REC114: variants seen among roughly 807,000 people sequenced by gnomAD.
The protein encoded by REC114 is meiotic recombination protein REC114.
Under a neutral mutation model 31.3 loss-of-function variants are expected in REC114, and 27 were observed. The ratio of observed to expected loss-of-function variants is 0.86; its 90% CI spans 0.64 to 1.19. The LOEUF (loss-of-function observed/expected upper bound fraction) is 1.19, where lower values mean the gene tolerates loss of function less well. REC114 is among the 50% of genes most tolerant of loss of function. The probability of loss-of-function intolerance (pLI) is 0.00; values close to 1 mark genes in which losing one functional copy is unlikely to be tolerated. For synonymous variants in REC114, 134 were observed against 127.7 expected, an observed-to-expected ratio of 1.05 and a Z score of -0.33; for missense variants, 344 against 326.9, an observed-to-expected ratio of 1.05 and a Z score of -0.40.
chr15:73,552,835 CAG>C (rs1464780661), intron 4 of REC114, among the ~76,000 whole-genome samples: 19 of 152,042 alleles, frequency 1.2e-4, no homozygotes, highest in Admixed American at 1.0e-3. Flanking sequence ...TTTTTTGAGA[CAG>C]AGTTTCGCTC....
intron 2 of REC114, among the ~76,000 whole-genome samples, chr15:73,531,490 C>G (rs1384831972): frequency 3.3e-5 from 5 of 152,274 alleles, no homozygotes; most frequent in African/African-American, 1.2e-4. Context: ...GCTTGAGATT[C>G]TCTTTATATG....
chr15:73,526,126 T>C (rs1177836710), intron 2 of REC114, among the ~76,000 whole-genome samples: 1 of 152,198 alleles, frequency 6.6e-6, no homozygotes. Flanking sequence ...CACATGTTTG[T>C]CTGAGATTGA....
At chr15:73,492,688 A>G (rs1893462644) in intron 2 of REC114, among the ~76,000 whole-genome samples, 2 of 152,218 alleles carry the variant, frequency 1.3e-5, no homozygotes, top group Admixed American at 6.5e-5. Flanking sequence ...TTGAGGGACA[A>G]AGTCATAGAG....
chr15:73,545,207 C>A (rs1384808754), intron 3 of REC114, among the ~76,000 whole-genome samples: 2 of 152,170 alleles, frequency 1.3e-5, no homozygotes, highest in Admixed American at 6.5e-5. Flanking sequence ...GCAGGTGCAA[C>A]TTTACATGTA....
At chr15:73,444,789 C>T (rs1053791475) in intron 1 of REC114, among the ~76,000 whole-genome samples, 10 of 152,192 alleles carry the variant, frequency 6.6e-5, no homozygotes, top group African/African-American at 2.4e-5. Context: ...GAATCACTAT[C>T]TACAGAAGCT....
intron 3 of REC114, among the ~76,000 whole-genome samples, chr15:73,549,300 G>A (rs184315354): frequency 4.7e-4 from 71 of 152,232 alleles, no homozygotes; most frequent in Non-Finnish European, 2.4e-4. Context: ...CTTATTTGTG[G>A]GATCTAAAAA....
intron 2 of REC114, among the ~76,000 whole-genome samples, chr15:73,487,654 C>G (rs1893388723): frequency 1.3e-5 from 2 of 152,242 alleles, no homozygotes; most frequent in Admixed American, 1.3e-4. Flanking sequence ...ACGGCCCACA[C>G]AGCAGTTCTC....
At chr15:73,517,973 G>A (rs1446297414) in intron 2 of REC114, among the ~76,000 whole-genome samples, 1 of 152,196 alleles carries the variant, frequency 6.6e-6, no homozygotes, top group Non-Finnish European at 1.5e-5. Flanking sequence ...GATCATAAAA[G>A]CCAAGACAAA....
chr15:73,539,022 A>C (rs998985996), intron 2 of REC114, among the ~76,000 whole-genome samples: 2 of 151,970 alleles, frequency 1.3e-5, no homozygotes, highest in Non-Finnish European at 2.9e-5. Context: ...TACATTTGTA[A>C]TTTTGATATT....
intron 2 of REC114, among the ~76,000 whole-genome samples, chr15:73,489,166 C>T (rs1304238205): frequency 1.3e-5 from 2 of 149,962 alleles, no homozygotes; most frequent in Non-Finnish European, 3.0e-5. Flanking sequence ...GAGCAGAAGA[C>T]AGTGAACCCA....
chr15:73,485,860 T>G (rs1292196005), intron 2 of REC114, among the ~76,000 whole-genome samples: 5 of 152,236 alleles, frequency 3.3e-5, no homozygotes, highest in Non-Finnish European at 7.3e-5. Flanking sequence ...AAGCTCTTCA[T>G]AACTTTATCA....
intron 2 of REC114, among the ~76,000 whole-genome samples, chr15:73,510,004 T>G (rs988396130): frequency 7.9e-5 from 12 of 152,108 alleles, no homozygotes; most frequent in African/African-American, 2.2e-4. Context: ...TTGATGGGGA[T>G]GGCATTGAAT....
chr15:73,527,100 C>T (rs1048200911), intron 2 of REC114, among the ~76,000 whole-genome samples: 1 of 152,062 alleles, frequency 6.6e-6, no homozygotes, highest in South Asian at 2.1e-4. Context: ...GTGTAAGCTA[C>T]CACATCTGGC....
chr15:73,503,877 T>G (rs189900418), intron 2 of REC114, among the ~76,000 whole-genome samples: 543 of 152,260 alleles, frequency 3.6e-3, no homozygotes, highest in African/African-American at 0.012. Context: ...TCCCAGTCTG[T>G]TATTGGCTTT....
chr15:73,534,717 G>C (rs1894131587), intron 2 of REC114, among the ~76,000 whole-genome samples: 1 of 150,894 alleles, frequency 6.6e-6, no homozygotes, highest in South Asian at 2.1e-4. Context: ...GCCAGGCAGA[G>C]ACACAACAAA....
chr15:73,530,707 C>A (rs1001632599), intron 2 of REC114, among the ~76,000 whole-genome samples: 6 of 152,054 alleles, frequency 3.9e-5, no homozygotes, highest in East Asian at 3.9e-4. Flanking sequence ...TCCCTCTTCA[C>A]ATCGTTGTCT....
intron 1 of REC114, among the ~76,000 whole-genome samples, chr15:73,449,332 C>T (rs569838725): frequency 2.9e-4 from 44 of 151,946 alleles, no homozygotes; most frequent in South Asian, 2.1e-4. Context: ...AAACACAGCA[C>T]GAGAACTTCA....
At chr15:73,501,992 C>G (rs976942399) in intron 2 of REC114, among the ~76,000 whole-genome samples, 7 of 151,960 alleles carry the variant, frequency 4.6e-5, no homozygotes, top group Non-Finnish European at 1.0e-4. Flanking sequence ...GTGGAAAATG[C>G]AACTCAAAGA....
chr15:73,538,319 A>G (rs2415152), intron 2 of REC114, among the ~76,000 whole-genome samples: 53,658 of 152,038 alleles, frequency 0.35, 11,122 homozygotes, highest in Admixed American at 0.45. Context: ...ATCATTTACA[A>G]TCTAGTCATC....
Sources: gnomAD v4.1 joint callset for allele counts (sites outside exome capture counted in the v4.1 genomes callset) on GRCh38, gnomAD v4.1.1 for gene constraint, MANE v1.5 for transcripts, NCBI Gene and HGNC (gene_info 2026-07-23, HGNC 2026-07-21) for gene names.